Variants in IGF2BP1 observed in about 807,000 individuals in gnomAD.
IGF2BP1 encodes the protein insulin-like growth factor 2 mRNA-binding protein 1.
Under a neutral mutation model 74.9 loss-of-function variants are expected in IGF2BP1, and 11 were observed. The ratio of observed to expected loss-of-function variants is 0.15; its 90% CI spans 0.09 to 0.24. IGF2BP1 has a LOEUF of 0.24. Ranked by LOEUF, IGF2BP1 falls within the 10% of genes least tolerant of loss-of-function variation. The pLI is 1.00. For missense variants in IGF2BP1, 440 were observed against 757.4 expected (o/e 0.58, Z 4.92); for synonymous variants, 287 against 281.8 (o/e 1.02, Z -0.18).
At position 49,053,632 on chromosome 17, in the gene IGF2BP1, C is replaced by G. The variant is rs2042192407; in HGVS notation, c.*4188C>G. On this transcript the variant is annotated 3_prime_UTR_variant, in exon 15 of 15. Transcript: ENST00000290341. Reference sequence around the variant, plus strand: ...GCAGACGGGCAGTGAGGAGGGGCCTCAGTTAGCTCTCAAGGGTGCCTTCCC... The same window carrying G: ...GCAGACGGGCAGTGAGGAGGGGCCTGAGTTAGCTCTCAAGGGTGCCTTCCC... 1 of 152,746 alleles carries G rather than the reference C, an allele frequency of 6.5e-6. No homozygotes were observed. The highest frequency in any genetic ancestry group is 6.5e-5 in the Admixed American group (1 of 15,276). 9.5% of individuals were successfully genotyped at this position (152,746 alleles called of 1,614,324 possible). A position where few individuals can be genotyped will look rare whatever the true frequency, so the allele number is the denominator to read the frequency against.
At chr17:49,045,826 TCCCAC>T in intron 12 of IGF2BP1, 59 bp from the exon 13 acceptor site, 2 of 1,553,254 alleles carry the variant, frequency 1.3e-6, no homozygotes, top group Admixed American at 3.7e-5. Context: ...GCTTCCTTTT[TCCCAC>T]TTTTCTCTTT....
intron 2 of IGF2BP1, among the ~76,000 whole-genome samples, chr17:49,005,842 A>G: frequency 6.6e-6 from 1 of 152,116 alleles, no homozygotes; most frequent in Non-Finnish European, 1.5e-5. Flanking sequence ...AGGGCAGATT[A>G]CATGAGGCCA....
chr17:49,014,486 C>G (rs1208772485), intron 2 of IGF2BP1, among the ~76,000 whole-genome samples: 1 of 151,866 alleles, frequency 6.6e-6, no homozygotes, highest in Non-Finnish European at 1.5e-5. Flanking sequence ...CAGACAGGAT[C>G]CTTGGTGGTA....
chr17:49,043,966 G>T lies in IGF2BP1; in HGVS notation c.1201-1G>T, dbSNP rs781472269. On this transcript the variant is annotated splice_acceptor_variant, in intron 10 of 14. Coordinates refer to ENST00000290341, the MANE Select transcript of IGF2BP1 (RefSeq NM_006546.4). LOFTEE classifies it high-confidence loss of function. ...GGTAACAACGCCTCCTATCCTGGCA[G>T]CAGGCTCCCGAGCAGGAGATGGTGC... is the stretch of plus-strand genomic sequence containing the variant. 15 of 1,613,474 alleles carry T rather than the reference G, an allele frequency of 9.3e-6. No homozygotes were observed. The highest frequency in any genetic ancestry group is 1.7e-6 in the Non-Finnish European group (2 of 1,179,862).
intron 8 of IGF2BP1, 151 bp downstream of exon 8, chr17:49,041,651 T>G: frequency 9.1e-7 from 1 of 1,097,450 alleles, no homozygotes; most frequent in Non-Finnish European, 1.3e-6. Flanking sequence ...AAAGAGCATT[T>G]AAAAAATCCC....
At chr17:49,009,921 A>C (rs1373631221) in intron 2 of IGF2BP1, among the ~76,000 whole-genome samples, 2 of 151,854 alleles carry the variant, frequency 1.3e-5, no homozygotes, top group Non-Finnish European at 2.9e-5. Context: ...CTCTACTAAA[A>C]ATACAAAAAT....
At chr17:49,014,876 T>A in intron 2 of IGF2BP1, 1 of 985,388 alleles carries the variant, frequency 1.0e-6, no homozygotes, top group Non-Finnish European at 1.2e-6. Flanking sequence ...GAGGCTGGTC[T>A]GGTTTCCTCT....
intron 5 of IGF2BP1, among the ~76,000 whole-genome samples, chr17:49,033,055 G>T (rs957707579): frequency 6.6e-6 from 1 of 152,166 alleles, no homozygotes; most frequent in Admixed American, 6.5e-5. Flanking sequence ...CAAGTGATCC[G>T]CTTGCCTTGG....
intron 4 of IGF2BP1, among the ~76,000 whole-genome samples, chr17:49,029,781 C>G (rs985175354): frequency 2.0e-5 from 3 of 151,526 alleles, no homozygotes; most frequent in African/African-American, 7.3e-5. Flanking sequence ...GTGTTTACTA[C>G]TGCACCCGGC....
intron 8 of IGF2BP1, 133 bp from the exon 9 acceptor site, chr17:49,042,109 G>A: frequency 8.5e-7 from 1 of 1,181,042 alleles, no homozygotes; most frequent in Non-Finnish European, 1.2e-6. Context: ...TGGGGTTGCA[G>A]AGTTATTTGC....
intron 2 of IGF2BP1, among the ~76,000 whole-genome samples, chr17:49,015,689 A>G (rs1034376979): frequency 2.0e-5 from 3 of 152,154 alleles, no homozygotes; most frequent in Non-Finnish European, 4.4e-5. Flanking sequence ...GAGCCACTCA[A>G]GGTCGGGGGA....
intron 2 of IGF2BP1, among the ~76,000 whole-genome samples, chr17:49,006,429 C>G (rs2041551929): frequency 6.6e-6 from 1 of 152,170 alleles, no homozygotes; most frequent in Non-Finnish European, 1.5e-5. Flanking sequence ...AGCTTGAGCT[C>G]AATTTCCGTA....
intron 2 of IGF2BP1, among the ~76,000 whole-genome samples, chr17:49,009,536 C>G (rs925525530): frequency 1.3e-5 from 2 of 151,206 alleles, no homozygotes; most frequent in East Asian, 2.0e-4. Flanking sequence ...ATTTGAAACC[C>G]TGTCTCTAAT....
At chr17:49,034,424 T>G (rs1445956834) in intron 5 of IGF2BP1, among the ~76,000 whole-genome samples, 1 of 151,954 alleles carries the variant, frequency 6.6e-6, no homozygotes, top group East Asian at 1.9e-4. Flanking sequence ...TGGCCTTTTT[T>G]TTTTTTTTAA....
At chr17:49,003,046 G>T (rs934177311) in intron 2 of IGF2BP1, among the ~76,000 whole-genome samples, 1 of 152,098 alleles carries the variant, frequency 6.6e-6, no homozygotes, top group Non-Finnish European at 1.5e-5. Context: ...GAACTTTTTA[G>T]TAAAAAGGGG....
chr17:49,004,875 T>C (rs1301196362), intron 2 of IGF2BP1: 1 of 152,194 alleles, frequency 6.6e-6, no homozygotes, highest in Admixed American at 6.5e-5. Context: ...GCCCATTTGG[T>C]TACCGATAGT....
In IGF2BP1 at chr17:49,046,027, C is replaced by T. The variant is rs2042104232; in HGVS notation, c.1527+6C>T. On this transcript the variant is annotated splice_donor_region_variant and intron_variant, in intron 13 of 14. Transcript: ENST00000290341. ...TTGGCAAAGGTGGAAAAACGGTGAG[C>T]TGTGAGGGCCAGGTTGAAAGCCCTG... 1.9e-6 allele frequency: 3 copies of T among 1,613,602 alleles called. No individual in the cohort carries two copies. Among genetic ancestry groups the T allele is most frequent in the Non-Finnish European group, 2.5e-6 (3 of 1,179,790 alleles).
intron 9 of IGF2BP1, among the ~76,000 whole-genome samples, chr17:49,042,828 A>G (rs2042067376): frequency 6.6e-6 from 1 of 151,988 alleles, no homozygotes; most frequent in Admixed American, 6.6e-5. Flanking sequence ...ACAGGTGTAC[A>G]CCACCATGCC....
chr17:49,019,496 T>C (rs1000534069), intron 2 of IGF2BP1, among the ~76,000 whole-genome samples: 2 of 152,124 alleles, frequency 1.3e-5, no homozygotes, highest in African/African-American at 4.8e-5. Flanking sequence ...GAAAGAAATA[T>C]AAACATAAAA....
Sources: allele counts gnomAD v4.1 joint callset (sites outside exome capture counted in the v4.1 genomes callset), GRCh38; gene constraint gnomAD v4.1.1; transcripts MANE v1.5; gene names NCBI Gene and HGNC (gene_info 2026-07-23, HGNC 2026-07-21).